SDHA: variants seen among roughly 807,000 people sequenced by gnomAD.
SDHA encodes succinate dehydrogenase [ubiquinone] flavoprotein subunit, mitochondrial.
SDHA carries 48 observed loss-of-function variants against 78.4 expected under a neutral mutation model. The ratio of observed to expected loss-of-function variants is 0.61; its 90% CI spans 0.49 to 0.78. The LOEUF (loss-of-function observed/expected upper bound fraction) is 0.78, where lower values mean the gene tolerates loss of function less well. Ranked by LOEUF, SDHA falls within the 30% of genes least tolerant of loss-of-function variation. The pLI, the probability that SDHA is intolerant of heterozygous loss-of-function variation, is 0.00. For synonymous variants in SDHA, 326 were observed against 353.9 expected (o/e 0.92, Z 0.88); for missense variants, 680 against 892.7 (o/e 0.76, Z 3.04).
At chr5:258,659 T>C (rs1579453025), downstream of SDHA, among the ~76,000 whole-genome samples, 1 of 118,724 alleles carries the variant, frequency 8.4e-6, no homozygotes, top group Non-Finnish European at 1.6e-5. Context: ...CATTACCGTG[T>C]GAGCTCCGCC....
chr5:231,898 A>AGATGAGCTCGTCTTGGGGAC (rs1267148360), intron 7 of SDHA, among the ~76,000 whole-genome samples: 4 of 152,184 alleles, frequency 2.6e-5, no homozygotes, highest in African/African-American at 9.6e-5. Flanking sequence ...GTCGTGGGGA[A>AGATGAGCTCGTCTTGGGGAC]GATGAGCTCG....
intron 11 of SDHA, among the ~76,000 whole-genome samples, chr5:245,224 GACTT>G (rs1207306287): frequency 1.3e-5 from 2 of 152,138 alleles, no homozygotes; most frequent in African/African-American, 4.8e-5. Flanking sequence ...AATGTTAACT[GACTT>G]AAGAGCCATT....
intron 11 of SDHA, chr5:250,178 A>G (rs1736723759): frequency 1.3e-5 from 2 of 152,354 alleles, no homozygotes; most frequent in South Asian, 2.1e-4. Flanking sequence ...CAGTGTTACG[A>G]TTATGTATGA....
At position 218,695 on chromosome 5, in the gene SDHA, C is replaced by T. The variant is rs1864090; in HGVS notation, c.63+277C>T. Among the ~76,000 whole-genome samples, 21 of 152,032 alleles carry T rather than the reference C, an allele frequency of 1.4e-4. No homozygotes were observed. The East Asian group carries it at 3.7e-3, about 27-fold the overall frequency. On this transcript the variant is annotated intron_variant, in intron 1 of 14. Transcript: ENST00000264932. ...GGGCGTCCCCTCCGCCGCCTTGGTC[C>T]GGGCCTGGGGTCCTGGGACCCCGCG...
In SDHA at chr5:250,964, A is replaced by C. The variant is rs775615770; in HGVS notation, c.1552-28A>C. Reference sequence around the variant, plus strand: ...GGTATGGCTGCTTCTATGGATTAAAAGTTTACAAATAATATTTTGTGCCAC... The same window carrying C: ...GGTATGGCTGCTTCTATGGATTAAACGTTTACAAATAATATTTTGTGCCAC... On this transcript the variant is annotated intron_variant, in intron 11 of 14. Coordinates refer to ENST00000264932, the MANE Select transcript of SDHA (RefSeq NM_004168.4). The C allele has an allele frequency of 5.0e-6, 8 of 1,593,912 alleles. No homozygotes were observed. The South Asian group carries it at 7.7e-5, about 15-fold the overall frequency.
chr5:258,571 G>A (rs1229872407), downstream of SDHA, among the ~76,000 whole-genome samples: 2 of 112,322 alleles, frequency 1.8e-5, no homozygotes, highest in East Asian at 2.7e-4. Flanking sequence ...CGTGAGCTCC[G>A]CCCCCCGCCA....
chr5:265,912 C>A, the SDHA span, among the ~76,000 whole-genome samples: 4 of 151,746 alleles, frequency 2.6e-5, no homozygotes, highest in African/African-American at 2.4e-5. Flanking sequence ...CTACCCGAGA[C>A]CTTCCGATTC....
chr5:235,020 C>T (rs1735674018), intron 8 of SDHA, 124 bp from the exon 9 acceptor site: 7 of 940,430 alleles, frequency 7.4e-6, no homozygotes, highest in Non-Finnish European at 1.2e-5. Context: ...GGTGACCATA[C>T]ATGAGGGGAA....
In SDHA at chr5:224,106, A is replaced by G. The variant is rs2126541568; in HGVS notation, c.151-254A>G. 1.3e-5 allele frequency among the ~76,000 whole-genome samples: 2 copies of G among 152,268 alleles called. 1 individual carries two copies. Among genetic ancestry groups the G allele is most frequent in the South Asian group, 4.2e-4 (2 of 4,818 alleles). ...AAGCATAGGCACGGCCCTGAAGTAG[A>G]GTTGTGGTCCTCAGTCTGACCCCAT... is the stretch of plus-strand genomic sequence containing the variant. On this transcript the variant is annotated intron_variant, in intron 2 of 14. Coordinates refer to ENST00000264932, the MANE Select transcript of SDHA (RefSeq NM_004168.4).
chr5:226,364 G>C (rs1010917114), intron 5 of SDHA, among the ~76,000 whole-genome samples: 1 of 152,212 alleles, frequency 6.6e-6, no homozygotes, highest in African/African-American at 2.4e-5. Context: ...AGGCACAGTG[G>C]CTCAGGTCTG....
chr5:263,962 G>A, the SDHA span, among the ~76,000 whole-genome samples: 1 of 152,014 alleles, frequency 6.6e-6, no homozygotes, highest in East Asian at 1.9e-4. Flanking sequence ...TTGTAAAACT[G>A]GAAACAATCA....
At chr5:265,344 T>C in the SDHA span, among the ~76,000 whole-genome samples, 1 of 152,190 alleles carries the variant, frequency 6.6e-6, no homozygotes, top group South Asian at 2.1e-4. Context: ...AGTAGGCACA[T>C]GAAGCACCTA....
At chr5:219,707 G>C (rs1343825084) in intron 1 of SDHA, among the ~76,000 whole-genome samples, 3 of 152,190 alleles carry the variant, frequency 2.0e-5, no homozygotes, top group Non-Finnish European at 4.4e-5. Flanking sequence ...AAAGCCCATG[G>C]TCAGTGGGGC....
At chr5:251,131 C>G in intron 12 of SDHA, 28 bp downstream of exon 12, 1 of 1,601,870 alleles carries the variant, frequency 6.2e-7, no homozygotes, top group Non-Finnish European at 8.5e-7. Context: ...TCTGTGCACA[C>G]TGTTGGGCCC....
intron 11 of SDHA, among the ~76,000 whole-genome samples, chr5:241,522 A>G (rs751673798): frequency 1.3e-5 from 2 of 152,170 alleles, no homozygotes; most frequent in Non-Finnish European, 2.9e-5. Flanking sequence ...GATGATGGAA[A>G]TGTTCCGAGT....
Position 233,538 on chromosome 5 carries a change from T to G in SDHA, c.957T>G (p.Ile319Met). The G allele has an allele frequency of 6.2e-7, 1 of 1,614,190 alleles. No individual in the cohort carries two copies. Among genetic ancestry groups the G allele is most frequent in the Non-Finnish European group, 8.5e-7 (1 of 1,180,022 alleles). The change falls in exon 8 of 15, where the codon ATT becomes ATG. Residue 319 changes from isoleucine (I) to methionine (M), a missense_variant. By Grantham distance (10) the Ile-to-Met change is conservative. Coordinates refer to ENST00000264932, the MANE Select transcript of SDHA (RefSeq NM_004168.4). ...GTCGTGGAGAGGGAGGCATTCTCAT[T>G]AACAGTCAAGGCGAAAGGTTTATGG... ...EGCRGEGGIL[I>M]NSQGERFMER...
At chr5:224,152 C>G (rs936274112) in intron 2 of SDHA, among the ~76,000 whole-genome samples, 1 of 152,204 alleles carries the variant, frequency 6.6e-6, no homozygotes, top group East Asian at 1.9e-4. Flanking sequence ...CTCTACCATT[C>G]GTAGAATCTG....
chr5:220,323 A>G (rs1373795759), intron 1 of SDHA: 1 of 450,340 alleles, frequency 2.2e-6, no homozygotes, highest in Non-Finnish European at 4.5e-6. Flanking sequence ...GTTACTGGTT[A>G]ACTGCTTACT....
intron 1 of SDHA, among the ~76,000 whole-genome samples, chr5:221,724 G>A (rs1734728095): frequency 6.6e-6 from 1 of 152,130 alleles, no homozygotes; most frequent in Non-Finnish European, 1.5e-5. Context: ...CTAGTTTTGA[G>A]TTTTATCTAA....
Sources: allele counts gnomAD v4.1 joint callset (sites outside exome capture counted in the v4.1 genomes callset), GRCh38; gene constraint gnomAD v4.1.1; transcripts MANE v1.5; gene names NCBI Gene and HGNC (gene_info 2026-07-23, HGNC 2026-07-21).